The following AP1S3 variants were observed in gnomAD, a reference collection of about 807,000 sequenced individuals.
The protein encoded by AP1S3 is adaptor related protein complex 1 subunit sigma 3.
AP1S3 carries 10 observed loss-of-function variants against 20.9 expected under a neutral mutation model. That is an observed-to-expected ratio of 0.48 (90% CI 0.29 to 0.81). AP1S3 has a LOEUF of 0.81. Among genes scored for constraint, AP1S3 ranks in the 30% least tolerant of loss-of-function variants. The probability of loss-of-function intolerance (pLI) is 0.08; values close to 1 mark genes in which losing one functional copy is unlikely to be tolerated. For missense variants in AP1S3, 154 were observed against 183.8 expected (o/e 0.84, Z 0.94); for synonymous variants, 41 against 61.5 (o/e 0.67, Z 1.56).
intron 3 of AP1S3, among the ~76,000 whole-genome samples, chr2:223,774,876 C>T (rs762063467): frequency 1.5e-4 from 23 of 152,104 alleles, no homozygotes; most frequent in Non-Finnish European, 2.9e-4. Flanking sequence ...TGAAGACTGT[C>T]ACCAACAAGG....
intron 1 of AP1S3, among the ~76,000 whole-genome samples, chr2:223,799,044 C>T (rs1256288939): frequency 6.6e-6 from 1 of 152,090 alleles, no homozygotes; most frequent in Non-Finnish European, 1.5e-5. Flanking sequence ...GCACTCCAGC[C>T]TGGGCAACAA....
chr2:223,756,992 T>C lies in AP1S3; in HGVS notation c.*1723A>G, dbSNP rs186225982. On this transcript the variant is annotated 3_prime_UTR_variant, in exon 5 of 5. Transcript: ENST00000396654. ...TACTACAAGCTTTTACTTTTTCTTT[T>C]TTTTTTTTTTTTTCTTGAGACGCAG... 8.1e-4 allele frequency: 768 copies of C among 947,814 alleles called. 8 individuals carry two copies. In the Admixed American group the frequency reaches 0.028, roughly 34 times the overall value. 58.7% of individuals were successfully genotyped at this position (947,814 alleles called of 1,614,324 possible). A position where few individuals can be genotyped will look rare whatever the true frequency, so the allele number is the denominator to read the frequency against.
At chr2:223,826,311 C>T (rs549410782) in intron 1 of AP1S3, among the ~76,000 whole-genome samples, 99 of 114,434 alleles carry the variant, frequency 8.7e-4, no homozygotes, top group African/African-American at 2.9e-3. Context: ...TAATAACTTG[C>T]GGCAGGTATG....
At chr2:223,795,671 T>C (rs1485445104) in intron 1 of AP1S3, among the ~76,000 whole-genome samples, 1 of 152,210 alleles carries the variant, frequency 6.6e-6, no homozygotes, top group Non-Finnish European at 1.5e-5. Context: ...GCTTGAGAGC[T>C]TGTATTTAAA....
intron 1 of AP1S3, among the ~76,000 whole-genome samples, chr2:223,824,567 T>C (rs1692074141): frequency 6.6e-6 from 1 of 152,048 alleles, no homozygotes; most frequent in Non-Finnish European, 1.5e-5. Flanking sequence ...TTTGAGAATC[T>C]TGCTCTGTCG....
chr2:223,815,342 G>A (rs975661987), intron 1 of AP1S3, among the ~76,000 whole-genome samples: 2 of 152,118 alleles, frequency 1.3e-5, no homozygotes, highest in Admixed American at 6.6e-5. Context: ...AGCTAATGCT[G>A]GCAGAAACCA....
intron 4 of AP1S3, among the ~76,000 whole-genome samples, chr2:223,760,270 G>A (rs945036881): frequency 6.6e-6 from 1 of 152,164 alleles, no homozygotes; most frequent in African/African-American, 2.4e-5. Flanking sequence ...AGTTCAACTT[G>A]TTCTTAAGCT....
At chr2:223,816,277 T>C (rs1691841607) in intron 1 of AP1S3, among the ~76,000 whole-genome samples, 1 of 152,160 alleles carries the variant, frequency 6.6e-6, no homozygotes, top group South Asian at 2.1e-4. Flanking sequence ...TATAATTTAT[T>C]TGATGATAAA....
chr2:223,819,894 G>C (rs1359207852), intron 1 of AP1S3, among the ~76,000 whole-genome samples: 1 of 150,728 alleles, frequency 6.6e-6, no homozygotes, highest in African/African-American at 2.5e-5. Flanking sequence ...TATAAAAAAT[G>C]AGTTCAGGAT....
At chr2:223,782,748 CT>C (rs1433804254) in intron 1 of AP1S3, among the ~76,000 whole-genome samples, 1 of 152,200 alleles carries the variant, frequency 6.6e-6, no homozygotes, top group East Asian at 1.9e-4. Flanking sequence ...TAGATTCAAG[CT>C]TATCCAATAA....
rs531434125 is a variant in AP1S3 at position 223,756,988 on chromosome 2, CTTTTTTT to C, written c.*1720_*1726del. ...AGAATACTACAAGCTTTTACTTTTT[CTTTTTTT>C]TTTTTTTTTTCTTGAGACGCAGTCT... On this transcript the variant is annotated 3_prime_UTR_variant, in exon 5 of 5. Transcript: ENST00000396654. The C allele has an allele frequency of 4.8e-4, 450 of 934,964 alleles. No homozygotes were observed. Among genetic ancestry groups the C allele is most frequent in the Admixed American group, 1.3e-3 (19 of 14,832 alleles). The allele number at this position is 934,964 out of a possible 1,614,324, so 57.9% of individuals were successfully genotyped here.
At chr2:223,791,641 T>C (rs6436435) in intron 1 of AP1S3, among the ~76,000 whole-genome samples, 13,995 of 152,186 alleles carry the variant, frequency 0.092, 932 homozygotes, top group East Asian at 0.25. Context: ...GATGCCCTCT[T>C]TCACTACTCT....
intron 1 of AP1S3, among the ~76,000 whole-genome samples, chr2:223,823,686 A>G (rs1348301484): frequency 1.3e-5 from 2 of 152,226 alleles, no homozygotes; most frequent in East Asian, 1.9e-4. Context: ...CATGGTGACT[A>G]TAGTTAAAAA....
intron 1 of AP1S3, among the ~76,000 whole-genome samples, chr2:223,813,053 C>T (rs978179560): frequency 5.9e-5 from 9 of 151,982 alleles, no homozygotes; most frequent in African/African-American, 2.2e-4. Context: ...CTCAGCCTCC[C>T]AAGTAGCTAG....
At chr2:223,781,343 C>T (rs918214588) in intron 1 of AP1S3, among the ~76,000 whole-genome samples, 17 of 151,950 alleles carry the variant, frequency 1.1e-4, no homozygotes, top group Non-Finnish European at 1.9e-4. Context: ...TAAAAACCCT[C>T]CTCATCAGCA....
chr2:223,835,078 C>CATAT, intron 1 of AP1S3, among the ~76,000 whole-genome samples: 2 of 68,140 alleles, frequency 2.9e-5, no homozygotes, highest in African/African-American at 1.1e-4. Flanking sequence ...TTTGACCTTG[C>CATAT]AGACCTCCAG....
At chr2:223,826,889 T>A (rs1692141325) in intron 1 of AP1S3, among the ~76,000 whole-genome samples, 1 of 152,166 alleles carries the variant, frequency 6.6e-6, no homozygotes, top group African/African-American at 2.4e-5. Context: ...ACACCCTGCA[T>A]GGTAATGACC....
intron 3 of AP1S3, among the ~76,000 whole-genome samples, chr2:223,772,177 GT>G (rs1246792706): frequency 5.3e-5 from 8 of 152,208 alleles, no homozygotes; most frequent in Non-Finnish European, 1.2e-4. Flanking sequence ...GCAATTAATA[GT>G]TTATTAAGTA....
chr2:223,833,436 G>A (rs1044760553), intron 1 of AP1S3, among the ~76,000 whole-genome samples: 10 of 152,124 alleles, frequency 6.6e-5, no homozygotes, highest in Non-Finnish European at 1.2e-4. Flanking sequence ...AGGTGAGATG[G>A]AGTACACAGT....
Sources: allele counts gnomAD v4.1 joint callset (sites outside exome capture counted in the v4.1 genomes callset), GRCh38; gene constraint gnomAD v4.1.1; transcripts MANE v1.5; gene names NCBI Gene and HGNC (gene_info 2026-07-23, HGNC 2026-07-21).